Variants in MYH11 observed in about 807,000 individuals in gnomAD.
MYH11 encodes myosin-11.
MYH11 carries 80 observed loss-of-function variants against 246.6 expected under a neutral mutation model. The ratio of observed to expected loss-of-function variants is 0.32; its 90% CI spans 0.27 to 0.39. The LOEUF (loss-of-function observed/expected upper bound fraction) is 0.39, where lower values mean the gene tolerates loss of function less well. MYH11 is among the 10% of genes least tolerant of loss of function. The pLI is 1.00. For synonymous variants in MYH11, 1,071 were observed against 1,015.5 expected (o/e 1.05, Z -1.04); for missense variants, 2,158 against 2,546.8 (o/e 0.85, Z 3.29).
chr16:15,778,400 C>T (rs900180956), intron 7 of MYH11, among the ~76,000 whole-genome samples: 3 of 152,304 alleles, frequency 2.0e-5, no homozygotes, highest in South Asian at 4.2e-4. Context: ...CTCTGCACCT[C>T]GCATGGTGCC....
At chr16:15,853,501 C>G (rs1277309055) in intron 1 of MYH11, among the ~76,000 whole-genome samples, 1 of 152,146 alleles carries the variant, frequency 6.6e-6, no homozygotes, top group East Asian at 1.9e-4. Context: ...TCCTTAGCCC[C>G]TGAAACCCTG....
chr16:15,805,419 G>T (rs2042986293), intron 3 of MYH11, among the ~76,000 whole-genome samples: 1 of 152,158 alleles, frequency 6.6e-6, no homozygotes. Context: ...AGGTACAGAT[G>T]ATATGGAATG....
At chr16:15,792,573 A>C (rs952027343) in intron 4 of MYH11, 11 of 152,070 alleles carry the variant, frequency 7.2e-5, no homozygotes, top group African/African-American at 2.7e-4. Context: ...ACTGCAGCAC[A>C]AAAGCAAATA....
chr16:15,815,415 A>G (rs2043240578), intron 3 of MYH11, among the ~76,000 whole-genome samples: 1 of 152,208 alleles, frequency 6.6e-6, no homozygotes, highest in African/African-American at 2.4e-5. Context: ...TAAAATATAT[A>G]CCAGAAATTT....
chr16:15,732,972 C>T, intron 26 of MYH11: 1 of 556,200 alleles, frequency 1.8e-6, no homozygotes, highest in South Asian at 2.2e-5. Context: ...GAAAGGATGT[C>T]TGTGAACTGC....
chr16:15,827,453 G>A (rs906000794), intron 2 of MYH11, among the ~76,000 whole-genome samples: 7 of 152,132 alleles, frequency 4.6e-5, no homozygotes, highest in African/African-American at 1.4e-4. Context: ...CGGCTCCATC[G>A]GACCGAAATG....
At chr16:15,845,771 T>C (rs972329956) in intron 1 of MYH11, among the ~76,000 whole-genome samples, 6 of 150,084 alleles carry the variant, frequency 4.0e-5, no homozygotes, top group African/African-American at 1.5e-4. Flanking sequence ...GTAAGAGAAA[T>C]GGGAGGGTGT....
At chr16:15,721,401 A>G in intron 32 of MYH11, 21 bp downstream of exon 32, 1 of 1,613,864 alleles carries the variant, frequency 6.2e-7, no homozygotes, top group South Asian at 1.1e-5. Flanking sequence ...TGGACGAGAA[A>G]AACCACCCAG....
chr16:15,782,815 G>A (rs751264134), intron 5 of MYH11: 25 of 346,808 alleles, frequency 7.2e-5, no homozygotes, highest in African/African-American at 1.7e-4. Flanking sequence ...GGTGCCCCCC[G>A]GAGTTGTGCA....
rs979070946 is a variant in MYH11, at chr16:15,726,719, AG to A, written c.3858+128del. ...ACAGGGAGATCATCGCCTCTCCTCC[AG>A]GAACGCAACTAGAGGAAAGGACTTG... is the stretch of plus-strand genomic sequence containing the variant. On this transcript the variant is annotated intron_variant, in intron 28 of 40. Coordinates refer to ENST00000300036, the MANE Select transcript of MYH11 (RefSeq NM_002474.3). The A allele has an allele frequency of 7.3e-6, 8 of 1,096,538 alleles. No homozygotes were observed. In the African/African-American group the frequency reaches 7.8e-5, roughly 11 times the overall value. The allele number at this position is 1,096,538 out of a possible 1,614,324, so 67.9% of individuals were successfully genotyped here.
At chr16:15,764,686 C>CTCCCA (rs1219238709) in intron 9 of MYH11, among the ~76,000 whole-genome samples, 1 of 152,136 alleles carries the variant, frequency 6.6e-6, no homozygotes, top group East Asian at 1.9e-4. Context: ...TTCCATGGGG[C>CTCCCA]TGGTGGCATT....
chr16:15,752,921 T>C (rs138091450), intron 15 of MYH11, among the ~76,000 whole-genome samples: 259 of 152,284 alleles, frequency 1.7e-3, no homozygotes, highest in African/African-American at 5.8e-3. Flanking sequence ...TGATGCCTGC[T>C]TGAGTTTGAG....
Position 15,825,778 on chromosome 16 carries a change from G to A in MYH11, c.346-2367C>T, listed in dbSNP as rs114134186. 4.0e-3 allele frequency among the ~76,000 whole-genome samples: 611 copies of A among 152,104 alleles called. 8 individuals carry two copies. The highest frequency in any genetic ancestry group is 0.014 in the African/African-American group (571 of 41,490). ...ATGCTGTACGTGGTAAGGCACTATT[G>A]TCATGATTTTTCCTTACTGGATACT... On this transcript the variant is annotated intron_variant, in intron 2 of 40. Transcript: ENST00000300036.
chr16:15,788,075 A>ATTTTTTTTTTTT (rs1555569323), intron 4 of MYH11, among the ~76,000 whole-genome samples: 15 of 42,724 alleles, frequency 3.5e-4, no homozygotes, highest in African/African-American at 2.0e-3. Flanking sequence ...ATGAAGGTAG[A>ATTTTTTTTTTTT]TCTTTTTTTT....
At chr16:15,852,549 G>C (rs1230010131) in intron 1 of MYH11, among the ~76,000 whole-genome samples, 1 of 152,004 alleles carries the variant, frequency 6.6e-6, no homozygotes, top group African/African-American at 2.4e-5. Flanking sequence ...ATGTTGGCCA[G>C]GCTGGTCTTG....
intron 13 of MYH11, among the ~76,000 whole-genome samples, chr16:15,756,865 C>G (rs1263149966): frequency 7.1e-6 from 1 of 140,514 alleles, no homozygotes; most frequent in African/African-American, 2.7e-5. Context: ...GTGGCGCGAT[C>G]TCGACTCACT....
intron 23 of MYH11, 113 bp downstream of exon 23, chr16:15,739,938 T>A: frequency 8.8e-7 from 1 of 1,139,202 alleles, no homozygotes; most frequent in Non-Finnish European, 1.3e-6. Context: ...GATGGAGTTT[T>A]ACCCTGTTGG....
intron 19 of MYH11, among the ~76,000 whole-genome samples, chr16:15,746,092 G>GTT (rs34184615): frequency 1.4e-5 from 2 of 142,378 alleles, no homozygotes; most frequent in African/African-American, 5.1e-5. Context: ...AATTTTTAAA[G>GTT]TTTTTTTTTT....
chr16:15,801,666 A>G (rs1394374146), intron 3 of MYH11, among the ~76,000 whole-genome samples: 1 of 148,042 alleles, frequency 6.8e-6, no homozygotes, highest in Non-Finnish European at 1.5e-5. Flanking sequence ...ATCTCTAAAA[A>G]CAGACCTGGG....
Sources: allele counts gnomAD v4.1 joint callset (sites outside exome capture counted in the v4.1 genomes callset), GRCh38; gene constraint gnomAD v4.1.1; transcripts MANE v1.5; gene names NCBI Gene and HGNC (gene_info 2026-07-23, HGNC 2026-07-21).